Variants in CTNNA3 observed in about 807,000 individuals in gnomAD.
The protein encoded by CTNNA3 is catenin alpha 3.
Under a neutral mutation model 95.7 loss-of-function variants are expected in CTNNA3, and 76 were observed. The observed-to-expected ratio is 0.79, with a 90% confidence interval of 0.66 to 0.96. The LOEUF (loss-of-function observed/expected upper bound fraction) is 0.96, where lower values mean the gene tolerates loss of function less well. Among genes scored for constraint, CTNNA3 ranks in the 40% least tolerant of loss-of-function variants. CTNNA3 has a pLI of 0.00. For synonymous variants in CTNNA3, 431 were observed against 374.4 expected, an observed-to-expected ratio of 1.15 and a Z score of -1.74; for missense variants, 1,191 against 1,089.8, an observed-to-expected ratio of 1.09 and a Z score of -1.31.
chr10:65,935,346 G>T (rs1354782616), intron 17 of CTNNA3, among the ~76,000 whole-genome samples: 1 of 151,876 alleles, frequency 6.6e-6, no homozygotes, highest in African/African-American at 2.4e-5. Flanking sequence ...CACTAACTTG[G>T]TTTTTTTTAA....
chr10:67,289,493 GAGGACAGGA>G (rs564099827), intron 5 of CTNNA3, among the ~76,000 whole-genome samples: 2 of 152,258 alleles, frequency 1.3e-5, no homozygotes, highest in South Asian at 4.1e-4. Context: ...ATGATTGTCA[GAGGACAGGA>G]AGAAAATAAA....
intron 4 of CTNNA3, among the ~76,000 whole-genome samples, chr10:67,522,913 G>C (rs1840028782): frequency 6.6e-6 from 1 of 152,056 alleles, no homozygotes; most frequent in Non-Finnish European, 1.5e-5. Context: ...TGTGCCATTA[G>C]ACAGATTTCT....
chr10:66,343,592 T>G (rs1589117142), intron 12 of CTNNA3, among the ~76,000 whole-genome samples: 1 of 149,610 alleles, frequency 6.7e-6, no homozygotes, highest in African/African-American at 2.5e-5. Flanking sequence ...GGGAAGGGAG[T>G]GATAGGGAGA....
At chr10:65,956,237 C>T (rs1190985730) in intron 17 of CTNNA3, among the ~76,000 whole-genome samples, 1 of 151,950 alleles carries the variant, frequency 6.6e-6, no homozygotes, top group Non-Finnish European at 1.5e-5. Context: ...TGGTGAGATC[C>T]CCTTTATCAT....
chr10:67,251,176 T>C (rs1866093881), intron 5 of CTNNA3, among the ~76,000 whole-genome samples: 1 of 152,160 alleles, frequency 6.6e-6, no homozygotes, highest in Admixed American at 6.5e-5. Context: ...TACTGATACA[T>C]GCAACAACGT....
intron 14 of CTNNA3, among the ~76,000 whole-genome samples, chr10:66,100,939 C>T (rs1319354105): frequency 1.3e-5 from 2 of 152,122 alleles, no homozygotes; most frequent in African/African-American, 2.4e-5. Context: ...TCATCGTCTA[C>T]AAGTGCTAAG....
At chr10:66,662,150 T>A (rs1464174397) in intron 9 of CTNNA3, among the ~76,000 whole-genome samples, 1 of 152,226 alleles carries the variant, frequency 6.6e-6, no homozygotes, top group Non-Finnish European at 1.5e-5. Flanking sequence ...GAGTCTTCTC[T>A]ATTTTATCTG....
intron 1 of CTNNA3, among the ~76,000 whole-genome samples, chr10:67,677,667 T>A (rs576014879): frequency 6.6e-6 from 1 of 152,164 alleles, no homozygotes; most frequent in African/African-American, 2.4e-5. Context: ...CTCCTAGCAA[T>A]ACATTTCTAA....
At chr10:67,155,662 A>G (rs892679133) in intron 7 of CTNNA3, among the ~76,000 whole-genome samples, 3 of 152,056 alleles carry the variant, frequency 2.0e-5, no homozygotes, top group African/African-American at 7.2e-5. Context: ...TGTTTTATCC[A>G]TGATTGGCTT....
intron 6 of CTNNA3, among the ~76,000 whole-genome samples, chr10:67,211,406 A>C (rs542157628): frequency 4.2e-4 from 64 of 152,290 alleles, no homozygotes; most frequent in African/African-American, 1.4e-3. Context: ...AGAAGCCAAG[A>C]GCAAACAAGG....
chr10:66,252,129 A>T (rs2090578933), intron 13 of CTNNA3, among the ~76,000 whole-genome samples: 1 of 152,212 alleles, frequency 6.6e-6, no homozygotes, highest in South Asian at 2.1e-4. Context: ...GAGAGTAAAA[A>T]AGACAATGAT....
intron 9 of CTNNA3, among the ~76,000 whole-genome samples, chr10:66,702,643 T>G (rs527292322): frequency 1.3e-5 from 2 of 148,684 alleles, no homozygotes; most frequent in Non-Finnish European, 3.0e-5. Context: ...AAGGTGGTGG[T>G]TGCAGTGAGC....
At chr10:66,673,401 T>G (rs1846734525) in intron 9 of CTNNA3, among the ~76,000 whole-genome samples, 2 of 152,250 alleles carry the variant, frequency 1.3e-5, no homozygotes, top group African/African-American at 4.8e-5. Flanking sequence ...CATTAAGTGT[T>G]GCTAAATTGT....
chr10:67,726,447 ATAT>A (rs1841222070), intron 1 of CTNNA3, among the ~76,000 whole-genome samples: 1 of 56,044 alleles, frequency 1.8e-5, no homozygotes, highest in Non-Finnish European at 2.9e-5. Flanking sequence ...ATAATATATA[ATAT>A]TATATATGAT....
At chr10:67,222,769 A>ATAT (rs376009398) in intron 5 of CTNNA3, among the ~76,000 whole-genome samples, 4 of 152,248 alleles carry the variant, frequency 2.6e-5, no homozygotes, top group African/African-American at 9.6e-5. Flanking sequence ...AACTTAATAC[A>ATAT]TAATTCTCTC....
chr10:67,485,312 T>A (rs1482209229), intron 5 of CTNNA3, among the ~76,000 whole-genome samples: 1 of 152,124 alleles, frequency 6.6e-6, no homozygotes, highest in Non-Finnish European at 1.5e-5. Flanking sequence ...TCTTGGGGAC[T>A]AGTAGAGGTG....
chr10:66,689,179 T>G (rs1243218920), intron 9 of CTNNA3, among the ~76,000 whole-genome samples: 5 of 151,972 alleles, frequency 3.3e-5, no homozygotes, highest in Non-Finnish European at 7.4e-5. Context: ...CCTGAGACAC[T>G]TAGGGCAGAG....
Position 65,917,852 on chromosome 10 carries a change from G to C in CTNNA3, c.*2478C>G, listed in dbSNP as rs567528144. On this transcript the variant is annotated 3_prime_UTR_variant, in exon 18 of 18. Transcript: ENST00000433211. ...TCATATCTTGCTGCTAGTTTTTCTT[G>C]CATATAAGCATTTGTTTTATCAGCA... 27 of 152,122 alleles carry C rather than the reference G, an allele frequency of 1.8e-4. No individual in the cohort carries two copies. Among genetic ancestry groups the C allele is most frequent in the Non-Finnish European group, 2.9e-4 (20 of 67,994 alleles). The allele number at this position is 152,122 out of a possible 1,614,324, so 9.4% of individuals were successfully genotyped here. A position where few individuals can be genotyped will look rare whatever the true frequency, so the allele number is the denominator to read the frequency against.
intron 12 of CTNNA3, among the ~76,000 whole-genome samples, chr10:66,342,425 A>C (rs2092463488): frequency 1.3e-5 from 2 of 152,090 alleles, no homozygotes; most frequent in Non-Finnish European, 2.9e-5. Context: ...AGTCACACAT[A>C]TTTAAACTTA....
Sources: gnomAD v4.1 joint callset for allele counts (sites outside exome capture counted in the v4.1 genomes callset) on GRCh38, gnomAD v4.1.1 for gene constraint, MANE v1.5 for transcripts, NCBI Gene and HGNC (gene_info 2026-07-23, HGNC 2026-07-21) for gene names.